SPAST: variants seen among roughly 807,000 people sequenced by gnomAD.
The protein encoded by SPAST is spastic paraplegia 4 (autosomal dominant; spastin).
Under a neutral mutation model 76.6 loss-of-function variants are expected in SPAST, and 30 were observed. The observed-to-expected ratio is 0.39, with a 90% CI of 0.29 to 0.53. The LOEUF (loss-of-function observed/expected upper bound fraction) is 0.53. Among genes scored for constraint, SPAST ranks in the 20% least tolerant of loss-of-function variants. The pLI is 0.68. For missense variants in SPAST, 717 were observed against 770.5 expected (o/e 0.93, Z 0.82); for synonymous variants, 305 against 281.0 (o/e 1.09, Z -0.86).
intron 16 of SPAST, among the ~76,000 whole-genome samples, chr2:32,148,580 C>G (rs939217459): frequency 1.3e-5 from 2 of 151,498 alleles, no homozygotes; most frequent in Non-Finnish European, 2.9e-5. Context: ...GAGGCCGAGG[C>G]GGGCGGATCA....
chr2:32,099,649 TATC>T (rs1678046570), intron 4 of SPAST, among the ~76,000 whole-genome samples: 1 of 152,176 alleles, frequency 6.6e-6, no homozygotes, highest in African/African-American at 2.4e-5. Flanking sequence ...CCCAAACATT[TATC>T]ATTCCTTGTG....
chr2:32,140,745 C>T (rs996999110), intron 12 of SPAST, among the ~76,000 whole-genome samples: 2 of 146,592 alleles, frequency 1.4e-5, no homozygotes, highest in African/African-American at 4.9e-5. Flanking sequence ...GGCAAAACCC[C>T]ATATCTATAA....
At chr2:32,083,730 AC>A (rs1198003580) in intron 1 of SPAST, among the ~76,000 whole-genome samples, 8 of 81,112 alleles carry the variant, frequency 9.9e-5, no homozygotes, top group Non-Finnish European at 1.4e-4. Flanking sequence ...ATTTATATAT[AC>A]TATATATATT....
intron 4 of SPAST, among the ~76,000 whole-genome samples, chr2:32,099,721 T>C (rs1035710960): frequency 2.0e-5 from 3 of 152,136 alleles, no homozygotes; most frequent in Non-Finnish European, 4.4e-5. Flanking sequence ...ATTATATTGT[T>C]ACCTATAATC....
intron 9 of SPAST, chr2:32,129,504 G>A (rs921884224): frequency 6.6e-6 from 1 of 152,058 alleles, no homozygotes; most frequent in African/African-American, 2.4e-5. Context: ...TTTGGGGTAG[G>A]GCAAGCATAA....
chr2:32,116,404 A>T (rs1164457217), intron 7 of SPAST, among the ~76,000 whole-genome samples, 192 bp downstream of exon 7: 4 of 152,232 alleles, frequency 2.6e-5, no homozygotes, highest in Non-Finnish European at 5.9e-5. Flanking sequence ...AGGAAAATGG[A>T]TATGAGTTCC....
Position 32,089,568 on chromosome 2 carries a change from T to C in SPAST, c.549T>C (p.Thr183=). The C allele has an allele frequency of 6.2e-7, 1 of 1,606,066 alleles. No homozygotes were observed. The highest frequency in any genetic ancestry group is 8.5e-7 in the Non-Finnish European group (1 of 1,172,816). ...RARRLQAKMM[T]NLVMAKDRLQ... Reference sequence around the variant, plus strand: ...GACGCCTTCAAGCTAAAATGATGACTAATTTGGTTATGGCCAAGGACCGCT... The same window carrying C: ...GACGCCTTCAAGCTAAAATGATGACCAATTTGGTTATGGCCAAGGACCGCT... Residue 183 remains threonine, a synonymous_variant, in exon 3 of 17, where the codon ACT becomes ACC. Transcript: ENST00000315285.
At chr2:32,096,146 G>A (rs1252878864) in intron 3 of SPAST, among the ~76,000 whole-genome samples, 3 of 152,182 alleles carry the variant, frequency 2.0e-5, no homozygotes, top group African/African-American at 7.2e-5. Flanking sequence ...TAACAGAAGT[G>A]AATTGGGTCT....
chr2:32,107,294 G>A (rs369874922), intron 4 of SPAST, among the ~76,000 whole-genome samples: 19 of 151,734 alleles, frequency 1.3e-4, no homozygotes, highest in South Asian at 6.2e-4. Context: ...GTGCGGTGGC[G>A]CAATCTTGGC....
At position 32,064,230 on chromosome 2, in the gene SPAST, C is replaced by T. The variant is rs1676416594; in HGVS notation, c.399C>T (p.Ile133=). ...AFEYISIALR[I]DEDEKAGQKE... is the part of the protein sequence containing the mutation. ...AGTACATCTCCATTGCCCTGCGCAT[C>T]GATGAGGATGAGAAAGGTAACTAGG... Residue 133 remains isoleucine, a synonymous_variant, in exon 1 of 17, where the codon ATC becomes ATT. Transcript: ENST00000315285. 2 of 1,524,516 alleles carry T rather than the reference C, an allele frequency of 1.3e-6. No homozygotes were observed. Among genetic ancestry groups the T allele is most frequent in the Non-Finnish European group, 1.8e-6 (2 of 1,133,932 alleles). 94.4% of individuals were successfully genotyped at this position (1,524,516 alleles called of 1,614,324 possible).
At chr2:32,074,198 TATC>T (rs748341462) in intron 1 of SPAST, among the ~76,000 whole-genome samples, 3 of 152,184 alleles carry the variant, frequency 2.0e-5, no homozygotes, top group Non-Finnish European at 4.4e-5. Flanking sequence ...TATGAATAAA[TATC>T]ATAAAACCTA....
chr2:32,106,663 T>C (rs1001255736), intron 4 of SPAST, among the ~76,000 whole-genome samples: 2 of 152,318 alleles, frequency 1.3e-5, no homozygotes, highest in Non-Finnish European at 2.9e-5. Context: ...AGGATTTCTA[T>C]AGACAGAAGA....
At position 32,126,940 on chromosome 2, in the gene SPAST, T is replaced by TA; in HGVS notation, c.1099-8_1099-7insA. 3 of 1,590,604 alleles carry TA rather than the reference T, an allele frequency of 1.9e-6. No homozygotes were observed. Among genetic ancestry groups the TA allele is most frequent in the Non-Finnish European group, 2.6e-6 (3 of 1,158,754 alleles). On this transcript the variant is annotated splice_region_variant and splice_polypyrimidine_tract_variant and intron_variant, in intron 7 of 16. Coordinates refer to ENST00000315285, the MANE Select transcript of SPAST (RefSeq NM_014946.4). ...TCATAGTTGTAAACTAAAGTATATA[T>TA]TTTTTAGTTGTTCACAGGGCTTAGA...
Position 32,156,406 on chromosome 2 carries a change from A to G in SPAST, c.*1910A>G, listed in dbSNP as rs1680253594. 1 of 152,146 alleles carries G rather than the reference A, an allele frequency of 6.6e-6. No individual in the cohort carries two copies. The highest frequency in any genetic ancestry group is 2.4e-5 in the African/African-American group (1 of 41,456). The allele number at this position is 152,146 out of a possible 1,614,324, so 9.4% of individuals were successfully genotyped here. On this transcript the variant is annotated 3_prime_UTR_variant, in exon 17 of 17. Coordinates refer to ENST00000315285, the MANE Select transcript of SPAST (RefSeq NM_014946.4). ...AAGGTAAATCATGTCTCTTCCAATC[A>G]TGACTTTGGAACTCCCTGAATAATA...
Position 32,115,854 on chromosome 2 carries a change from A to T in SPAST, c.1004+19A>T, listed in dbSNP as rs752078416. ...TGGACAAGTAAGTTTTGCCATCTAAATGTTTTATTTTATAGTTTTTATATT... is the reference window on the plus strand; with the variant it reads ...TGGACAAGTAAGTTTTGCCATCTAATTGTTTTATTTTATAGTTTTTATATT... On this transcript the variant is annotated intron_variant, in intron 6 of 16. Coordinates refer to ENST00000315285, the MANE Select transcript of SPAST (RefSeq NM_014946.4). 2.5e-6 allele frequency: 4 copies of T among 1,588,174 alleles called. No individual in the cohort carries two copies. The South Asian group carries it at 3.4e-5, about 14-fold the overall frequency.
At chr2:32,078,361 A>T (rs575708499) in intron 1 of SPAST, among the ~76,000 whole-genome samples, 5 of 152,116 alleles carry the variant, frequency 3.3e-5, no homozygotes, top group African/African-American at 1.2e-4. Context: ...TTTGGTAGAG[A>T]TGGAGTTTCT....
chr2:32,099,397 C>T (rs984676205), intron 4 of SPAST, among the ~76,000 whole-genome samples: 2 of 152,144 alleles, frequency 1.3e-5, no homozygotes, highest in African/African-American at 2.4e-5. Flanking sequence ...TATGGATTAA[C>T]TCTATCCTTC....
chr2:32,145,147 A>C, intron 15 of SPAST, 140 bp downstream of exon 15: 1 of 634,032 alleles, frequency 1.6e-6, no homozygotes, highest in South Asian at 1.8e-5. Flanking sequence ...GCTGTAGTGC[A>C]GTGGCACAAT....
At chr2:32,084,571 C>T (rs780245497) in intron 1 of SPAST, among the ~76,000 whole-genome samples, 1 of 151,868 alleles carries the variant, frequency 6.6e-6, no homozygotes, top group Non-Finnish European at 1.5e-5. Flanking sequence ...CTGGAAACAA[C>T]CTCAATATCT....
Sources: allele counts gnomAD v4.1 joint callset (sites outside exome capture counted in the v4.1 genomes callset), GRCh38; gene constraint gnomAD v4.1.1; transcripts MANE v1.5; gene names NCBI Gene and HGNC (gene_info 2026-07-23, HGNC 2026-07-21).